Variants in DNAH17 observed in about 807,000 individuals in gnomAD.
The protein encoded by DNAH17 is dynein axonemal heavy chain 17.
DNAH17 carries 376 observed loss-of-function variants against 485.6 expected under a neutral mutation model. That is an observed-to-expected ratio of 0.77 (90% CI 0.71 to 0.84). DNAH17 has a LOEUF of 0.84. Among genes scored for constraint, DNAH17 ranks in the 40% least tolerant of loss-of-function variants. The pLI is 0.00. For synonymous variants in DNAH17, 3,031 were observed against 2,405.9 expected, an observed-to-expected ratio of 1.26 and a Z score of -7.60; for missense variants, 6,370 against 5,839.3, an observed-to-expected ratio of 1.09 and a Z score of -2.96.
rs2092349562 is a variant in DNAH17, at chr17:78,571,013, T to C, written c.853A>G (p.Ile285Val). Residue 285 changes from isoleucine (I) to valine (V), a missense_variant, in exon 6 of 81, where the codon ATC becomes GTC. Coordinates refer to ENST00000389840, the MANE Select transcript of DNAH17 (RefSeq NM_173628.4). ...CGTAGGGGCTTCAAATAGAGCACGA[T>C]GTCGTTGGCTTCCTTCAGCCCTGCA... ...VTEGLKEANDIVLYLKPLRIL... is the reference protein window; with the variant it reads ...VTEGLKEANDVVLYLKPLRIL... 5 of 1,575,762 alleles carry C rather than the reference T, an allele frequency of 3.2e-6. No individual in the cohort carries two copies. In the Admixed American group the frequency reaches 5.5e-5, roughly 17 times the overall value.
chr17:78,449,865 A>G lies in DNAH17; in HGVS notation c.11041-281T>C, dbSNP rs1192778759. On this transcript the variant is annotated intron_variant, in intron 68 of 80. Coordinates refer to ENST00000389840, the MANE Select transcript of DNAH17 (RefSeq NM_173628.4). ...ATTTTTTTTTATTTTTAGTACAGAC[A>G]GGGTTTCACCATGTTGGTCAGGCTG... 3 of 438,046 alleles carry G rather than the reference A, an allele frequency of 6.8e-6. 1 individual carries two copies. The highest frequency in any genetic ancestry group is 5.9e-5 in the African/African-American group (3 of 50,838). 27.1% of individuals were successfully genotyped at this position (438,046 alleles called of 1,614,324 possible).
chr17:78,432,795 A>C (rs185484994), intron 75 of DNAH17, among the ~76,000 whole-genome samples: 2 of 151,528 alleles, frequency 1.3e-5, no homozygotes, highest in Non-Finnish European at 2.9e-5. Context: ...GGCTTCCCTC[A>C]TTGAACCCCC....
intron 80 of DNAH17, 183 bp from the exon 81 acceptor site, chr17:78,424,336 A>C (rs1240305146): frequency 3.0e-6 from 2 of 677,818 alleles, no homozygotes; most frequent in Non-Finnish European, 4.8e-6. Context: ...GCATGTTGTA[A>C]CTACCCCGTC....
Position 78,554,953 on chromosome 17 carries a change from G to A in DNAH17, c.2179-2148C>T, listed in dbSNP as rs185403154. 1.6e-4 allele frequency among the ~76,000 whole-genome samples: 24 copies of A among 152,160 alleles called. No individual in the cohort carries two copies. The East Asian group carries it at 4.3e-3, about 27-fold the overall frequency. Reference sequence around the variant, plus strand: ...GTAGGGATAGGGTATTAGCACGTTGGCCAGGCTGGCCTCGAACTCCTGACC... The same window carrying A: ...GTAGGGATAGGGTATTAGCACGTTGACCAGGCTGGCCTCGAACTCCTGACC... On this transcript the variant is annotated intron_variant, in intron 14 of 80. Transcript: ENST00000389840.
chr17:78,458,200 T>C (rs1180899983), intron 62 of DNAH17, among the ~76,000 whole-genome samples: 1 of 152,242 alleles, frequency 6.6e-6, no homozygotes, highest in Non-Finnish European at 1.5e-5. Context: ...GACGCTACTC[T>C]GGAGCCCCAA....
rs1284503304 is a variant in DNAH17, at chr17:78,475,827, C to A, written c.8161G>T (p.Gly2721Cys). The change falls in exon 53 of 81, where the codon GGT becomes TGT. Residue 2721 changes from glycine to cysteine, a missense_variant. Physicochemically the swap from Gly to Cys is radical, Grantham distance 159. Transcript: ENST00000389840. ...ASTKKFFDDL[G>C]DELLFAKPNI... ...GGCTTGGCAAATAAGAGTTCATCAC[C>A]AAGATCCTAGAAAAAGAAAAAAAAA... 1.2e-6 allele frequency: 2 copies of A among 1,609,594 alleles called. No homozygotes were observed. Among genetic ancestry groups the A allele is most frequent in the South Asian group, 2.2e-5 (2 of 89,994 alleles).
Position 78,428,671 on chromosome 17 carries a change from CA to C in DNAH17, c.12441del (p.Glu4148ArgfsTer17), listed in dbSNP as rs2086567142. 1 of 1,613,996 alleles carries C rather than the reference CA, an allele frequency of 6.2e-7. No individual in the cohort carries two copies. Among genetic ancestry groups the C allele is most frequent in the Non-Finnish European group, 8.5e-7 (1 of 1,179,904 alleles). On this transcript the variant is annotated frameshift_variant, in exon 77 of 81. Transcript: ENST00000389840. LOFTEE classifies it high-confidence loss of function. Reference protein sequence around the residue: ...YHEYIDENLPPESPYLYGLHP... With the variant: ...YHEYIDENLPXESPYLYGLHP... ...TGCAGGCCATACAGATAGGGACTCT[CA>C]GGGGGCAGGTTCTCATCGATGTATT...
intron 14 of DNAH17, among the ~76,000 whole-genome samples, chr17:78,554,395 C>T (rs1438902624): frequency 8.1e-6 from 1 of 124,102 alleles, no homozygotes; most frequent in Non-Finnish European, 1.6e-5. Flanking sequence ...CAAGATCGCA[C>T]CACTGCACTC....
Position 78,450,079 on chromosome 17 carries a change from C to T in DNAH17, c.11040+175G>A, listed in dbSNP as rs1190394101. On this transcript the variant is annotated intron_variant, in intron 68 of 80. Transcript: ENST00000389840. ...TCTCCTGGGGAGAATGGGTGTAGGA[C>T]TGATGGGGGCCCCTGGCTCCCCCTC... 4 of 705,402 alleles carry T rather than the reference C, an allele frequency of 5.7e-6. No individual in the cohort carries two copies. The African/African-American group carries it at 7.2e-5, about 13-fold the overall frequency. The allele number at this position is 705,402 out of a possible 1,614,324, so 43.7% of individuals were successfully genotyped here. A position where few individuals can be genotyped will look rare whatever the true frequency, so the allele number is the denominator to read the frequency against.
intron 71 of DNAH17, among the ~76,000 whole-genome samples, chr17:78,441,752 A>G (rs2087085004): frequency 1.3e-5 from 2 of 151,354 alleles, no homozygotes; most frequent in Admixed American, 6.6e-5. Context: ...CAGAGGGCTG[A>G]GCTTACTGTA....
At chr17:78,430,615 CTG>C (rs2086638688) in intron 75 of DNAH17, among the ~76,000 whole-genome samples, 1 of 152,194 alleles carries the variant, frequency 6.6e-6, no homozygotes. Flanking sequence ...GAGTCTCGCT[CTG>C]TTGCCCAGGC....
In DNAH17 at chr17:78,491,988, A is replaced by G. The variant is rs373029516; in HGVS notation, c.6542-418T>C. On this transcript the variant is annotated intron_variant, in intron 42 of 80. Transcript: ENST00000389840. ...GGAGCAAGGTGGGGGCTGGGGGTAC[A>G]GAGCTTGACTTCTAGTAGGGGAAGT... is the stretch of plus-strand genomic sequence containing the variant. Among the ~76,000 whole-genome samples, 30 of 152,290 alleles carry G rather than the reference A, an allele frequency of 2.0e-4. No individual in the cohort carries two copies. In the East Asian group the frequency reaches 4.6e-3, roughly 24 times the overall value.
In DNAH17 at chr17:78,551,619, T is replaced by C. The variant is rs373101262; in HGVS notation, c.2307A>G (p.Gln769=). Residue 769 remains glutamine, a synonymous_variant, in exon 16 of 81, where the codon CAA becomes CAG. Coordinates refer to ENST00000389840, the MANE Select transcript of DNAH17 (RefSeq NM_173628.4). Reference sequence around the variant, plus strand: ...AGTTGTGCAGAATTTCTCGCACCTCTTGAATGTACTGAAACACACCTAAAA... The same window carrying C: ...AGTTGTGCAGAATTTCTCGCACCTCCTGAATGTACTGAAACACACCTAAAA... ...WNGEGVFQYI[Q]EVREILHNLQ... 9 of 1,613,880 alleles carry C rather than the reference T, an allele frequency of 5.6e-6. No homozygotes were observed. In the African/African-American group the frequency reaches 9.3e-5, roughly 17 times the overall value.
chr17:78,450,891 C>G, intron 66 of DNAH17, 45 bp from the exon 67 acceptor site: 1 of 1,599,340 alleles, frequency 6.3e-7, no homozygotes, highest in Non-Finnish European at 8.6e-7. Flanking sequence ...TGGCTCTGTC[C>G]ACCGGGCACC....
intron 35 of DNAH17, 155 bp from the exon 36 acceptor site, chr17:78,500,616 C>G (rs1349195989): frequency 1.5e-6 from 1 of 661,740 alleles, no homozygotes; most frequent in Non-Finnish European, 2.3e-6. Context: ...TCAAATGATT[C>G]TCATGCCTCA....
In DNAH17 at chr17:78,507,268, T is replaced by C. The variant is rs1013672321; in HGVS notation, c.4676+10A>G. 1.2e-6 allele frequency: 2 copies of C among 1,613,724 alleles called. No individual in the cohort carries two copies. The highest frequency in any genetic ancestry group is 1.7e-6 in the Non-Finnish European group (2 of 1,179,826). The stretch of plus-strand genomic sequence containing the variant: ...CTGACTCCCCTGGTCTGGATAGGTG[T>C]GAGCCGCACCTCTTCTTCAGGGCCT... On this transcript the variant is annotated intron_variant, in intron 29 of 80. Coordinates refer to ENST00000389840, the MANE Select transcript of DNAH17 (RefSeq NM_173628.4).
At chr17:78,437,981 C>G (rs2086907535) in intron 73 of DNAH17, 113 bp from the exon 74 acceptor site, 1 of 739,552 alleles carries the variant, frequency 1.4e-6, no homozygotes, top group African/African-American at 1.7e-5. Context: ...TGCCAGCACC[C>G]CACACTTGCC....
chr17:78,434,106 G>A lies in DNAH17; in HGVS notation c.12148C>T (p.Arg4050Trp), dbSNP rs760792364. The A allele has an allele frequency of 3.2e-5, 52 of 1,613,554 alleles. 2 individuals carry two copies. The highest frequency in any genetic ancestry group is 2.3e-4 in the Admixed American group (14 of 59,992). Residue 4050 changes from arginine to tryptophan, a missense_variant, in exon 75 of 81, where the codon CGG becomes TGG. By Grantham distance (101) the Arg-to-Trp change is moderately radical. Transcript: ENST00000389840. ...TCCCCGTTGTTGAAGGGGTACGACCGGTTCCAGCCCTGGGCGCCGAACTTG... is the reference window on the plus strand; with the variant it reads ...TCCCCGTTGTTGAAGGGGTACGACCAGTTCCAGCCCTGGGCGCCGAACTTG... Reference protein sequence around the residue: ...RRKFGAQGWNRSYPFNNGDLT... With the variant: ...RRKFGAQGWNWSYPFNNGDLT...
At chr17:78,460,799 A>C (rs2088081297) in intron 58 of DNAH17, among the ~76,000 whole-genome samples, 1 of 152,152 alleles carries the variant, frequency 6.6e-6, no homozygotes, top group Non-Finnish European at 1.5e-5. Flanking sequence ...GCTGTTTCAT[A>C]ATCCATCCAA....
Sources: allele counts gnomAD v4.1 joint callset (sites outside exome capture counted in the v4.1 genomes callset), GRCh38; gene constraint gnomAD v4.1.1; transcripts MANE v1.5; gene names NCBI Gene and HGNC (gene_info 2026-07-23, HGNC 2026-07-21).